The following GFPT2 variants were observed in gnomAD, a reference collection of about 807,000 sequenced individuals.
The protein encoded by GFPT2 is glutamine--fructose-6-phosphate transaminase 2.
Under a neutral mutation model 85.6 loss-of-function variants are expected in GFPT2, and 62 were observed. The observed-to-expected ratio is 0.72, with a 90% CI of 0.59 to 0.90. The LOEUF (loss-of-function observed/expected upper bound fraction) is 0.90. GFPT2 is among the 40% of genes least tolerant of loss of function. The pLI is 0.00. For synonymous variants in GFPT2, 368 were observed against 344.5 expected (o/e 1.07, Z -0.75); for missense variants, 788 against 893.4 (o/e 0.88, Z 1.50).
Position 180,313,983 on chromosome 5 carries a change from C to T in GFPT2, c.1274-19G>A. Reference sequence around the variant, plus strand: ...GTCTCGCCTGCCGCCCAGGGGCCCTCTCAGTGCCGCGCTCCGCCAGCCTCG... The same window carrying T: ...GTCTCGCCTGCCGCCCAGGGGCCCTTTCAGTGCCGCGCTCCGCCAGCCTCG... On this transcript the variant is annotated intron_variant, in intron 13 of 18. Transcript: ENST00000253778. The T allele has an allele frequency of 6.3e-7, 1 of 1,580,208 alleles. No individual in the cohort carries two copies.
At position 180,318,958 on chromosome 5, in the gene GFPT2, T is replaced by C; in HGVS notation, c.795-2A>G. On this transcript the variant is annotated splice_acceptor_variant, in intron 9 of 18. Transcript: ENST00000253778. LOFTEE classifies it high-confidence loss of function. This position sits in a 1 kb window ranked among gnomAD's most constrained non-coding sequence, Gnocchi z 4.2. ...CGGTTGGTGTGCTCTATGATAGCGC[T>C]GGGGCAAGGGAAACAGGCATCATCA... 1 of 1,611,786 alleles carries C rather than the reference T, an allele frequency of 6.2e-7. No individual in the cohort carries two copies. The highest frequency in any genetic ancestry group is 8.5e-7 in the Non-Finnish European group (1 of 1,179,850).
At chr5:180,341,676 G>A (rs1163443539) in intron 1 of GFPT2, among the ~76,000 whole-genome samples, 1 of 152,002 alleles carries the variant, frequency 6.6e-6, no homozygotes, top group African/African-American at 2.4e-5. Context: ...TCAGCCAAGG[G>A]CAATTTTCTC....
At chr5:180,315,487 TTTTTC>T (rs1277780088) in intron 13 of GFPT2, among the ~76,000 whole-genome samples, 1 of 151,768 alleles carries the variant, frequency 6.6e-6, no homozygotes. Context: ...CGGTTATATG[TTTTTC>T]TTTTGTCATT....
intron 1 of GFPT2, among the ~76,000 whole-genome samples, chr5:180,339,378 CAAAAAA>C (rs34123923): frequency 3.1e-5 from 2 of 65,036 alleles, no homozygotes; most frequent in African/African-American, 6.3e-5. Flanking sequence ...GACTCTGTCT[CAAAAAA>C]AAAAAAAAAA....
intron 1 of GFPT2, among the ~76,000 whole-genome samples, chr5:180,346,813 G>C (rs1395267481): frequency 6.6e-6 from 1 of 152,166 alleles, no homozygotes; most frequent in Non-Finnish European, 1.5e-5. Context: ...TTGATCTACT[G>C]CTCTTTCCTA....
intron 13 of GFPT2, among the ~76,000 whole-genome samples, chr5:180,314,692 T>G (rs1763967534): frequency 6.6e-6 from 1 of 152,144 alleles, no homozygotes; most frequent in South Asian, 2.1e-4. Context: ...GTGGCCCAAT[T>G]CTCCTCTGCT....
chr5:180,301,892 G>A (rs1381359274), intron 18 of GFPT2, among the ~76,000 whole-genome samples: 2 of 151,692 alleles, frequency 1.3e-5, no homozygotes, highest in East Asian at 3.9e-4. Context: ...GTAACTTGGT[G>A]TGTACTGTTA....
chr5:180,305,411 T>C (rs1461233414), intron 16 of GFPT2, among the ~76,000 whole-genome samples: 2 of 151,974 alleles, frequency 1.3e-5, no homozygotes, highest in Non-Finnish European at 2.9e-5. Flanking sequence ...CAAACTGGGG[T>C]GTTATTTGAA....
chr5:180,321,768 TTTTG>T (rs2127651634), intron 9 of GFPT2, among the ~76,000 whole-genome samples: 1 of 110,944 alleles, frequency 9.0e-6, no homozygotes, highest in South Asian at 2.8e-4. Flanking sequence ...GAGGGTTTTG[TTTTG>T]TTTTGTTTTG....
chr5:180,329,748 C>T (rs1462136234), intron 6 of GFPT2, among the ~76,000 whole-genome samples: 1 of 152,236 alleles, frequency 6.6e-6, no homozygotes, highest in Non-Finnish European at 1.5e-5. Context: ...CAGGCTGCCA[C>T]AGCCCTGGGG....
intron 1 of GFPT2, among the ~76,000 whole-genome samples, chr5:180,349,492 A>G (rs938724661): frequency 1.3e-5 from 2 of 152,176 alleles, no homozygotes; most frequent in African/African-American, 2.4e-5. Flanking sequence ...TTATAAAAAG[A>G]AGGTTTTTCT....
chr5:180,330,697 C>G lies in GFPT2; in HGVS notation c.534+3G>C. 1 of 1,610,734 alleles carries G rather than the reference C, an allele frequency of 6.2e-7. No individual in the cohort carries two copies. The highest frequency in any genetic ancestry group is 8.5e-7 in the Non-Finnish European group (1 of 1,177,252). ...AGTTAGACAGATGGGATTTGTAACTCACCAACTGCTGAATGACTCTCTCGA... is the reference window on the plus strand; with the variant it reads ...AGTTAGACAGATGGGATTTGTAACTGACCAACTGCTGAATGACTCTCTCGA... On this transcript the variant is annotated splice_donor_region_variant and intron_variant, in intron 6 of 18. Transcript: ENST00000253778. The surrounding 1 kb of genome is among the most constrained non-coding windows in gnomAD (Gnocchi z 4.4).
In GFPT2 at chr5:180,328,382, G is replaced by C. The variant is rs1338130615; in HGVS notation, c.535-44C>G. 6.7e-7 allele frequency: 1 copy of C among 1,491,856 alleles called. No individual in the cohort carries two copies. The highest frequency in any genetic ancestry group is 9.3e-7 in the Non-Finnish European group (1 of 1,069,676). The allele number at this position is 1,491,856 out of a possible 1,614,324, so 92.4% of individuals were successfully genotyped here. The stretch of plus-strand genomic sequence containing the variant: ...TGAGGGTCAACGCGTTCCAGCAGCC[G>C]CTGCTGCAGCCTGGCCACAGCCCAG... On this transcript the variant is annotated intron_variant, in intron 6 of 18. Transcript: ENST00000253778. The surrounding 1 kb of genome is among the most constrained non-coding windows in gnomAD (Gnocchi z 5.4).
chr5:180,308,671 T>G (rs1298563758), intron 15 of GFPT2, among the ~76,000 whole-genome samples: 2 of 152,228 alleles, frequency 1.3e-5, no homozygotes, highest in Non-Finnish European at 2.9e-5. Context: ...TGAAATCCTA[T>G]CAATAAACTT....
In GFPT2 at chr5:180,323,178, C is replaced by T. The variant is rs1373538690; in HGVS notation, c.794+1010G>A. ...TCTAATGGTACTATGCCAAAATCTA[C>T]AATTCTCCGTGTTTTAGAATCACTG... On this transcript the variant is annotated intron_variant, in intron 9 of 18. Coordinates refer to ENST00000253778, the MANE Select transcript of GFPT2 (RefSeq NM_005110.4). The surrounding 1 kb of genome is among the most constrained non-coding windows in gnomAD (Gnocchi z 4.0). Among the ~76,000 whole-genome samples the T allele has an allele frequency of 6.6e-6, 1 of 152,146 alleles. No homozygotes were observed. The highest frequency in any genetic ancestry group is 1.5e-5 in the Non-Finnish European group (1 of 68,020).
chr5:180,320,806 C>G (rs1032748625), intron 9 of GFPT2, among the ~76,000 whole-genome samples: 49 of 152,256 alleles, frequency 3.2e-4, no homozygotes, highest in Middle Eastern at 3.4e-3. Flanking sequence ...CACACCCACA[C>G]GTGACTGCCT....
At chr5:180,321,531 C>G (rs986983917) in intron 9 of GFPT2, among the ~76,000 whole-genome samples, 3 of 152,196 alleles carry the variant, frequency 2.0e-5, no homozygotes, top group Non-Finnish European at 4.4e-5. Flanking sequence ...AAGAGCTGTG[C>G]CTTCCCCAGA....
Position 180,316,563 on chromosome 5 carries a change from C to T in GFPT2, c.1153-102G>A, listed in dbSNP as rs1232476980. The T allele has an allele frequency of 3.0e-6, 4 of 1,341,896 alleles. No homozygotes were observed. In the Admixed American group the frequency reaches 5.3e-5, roughly 18 times the overall value. 83.1% of individuals were successfully genotyped at this position (1,341,896 alleles called of 1,614,324 possible). On this transcript the variant is annotated intron_variant, in intron 12 of 18. Coordinates refer to ENST00000253778, the MANE Select transcript of GFPT2 (RefSeq NM_005110.4). ...GGACAGTTTGTGACACGGAACCTCA[C>T]TGTCCAGGTGGCGAGGGGACTTCGG...
chr5:180,353,326 G>C lies in GFPT2; in HGVS notation c.-109C>G, dbSNP rs1022640774. On this transcript the variant is annotated 5_prime_UTR_variant, in exon 1 of 19. Coordinates refer to ENST00000253778, the MANE Select transcript of GFPT2 (RefSeq NM_005110.4). ...GCTCCGTGGGCTCCGTGGGCTCCGC[G>C]GGCTCCAGCTCCCGTCCGCTCGGCC... 1 of 829,896 alleles carries C rather than the reference G, an allele frequency of 1.2e-6. No individual in the cohort carries two copies. Among genetic ancestry groups the C allele is most frequent in the African/African-American group, 2.5e-5 (1 of 39,306 alleles). The allele number at this position is 829,896 out of a possible 1,614,324, so 51.4% of individuals were successfully genotyped here.
Sources: allele counts gnomAD v4.1 joint callset (sites outside exome capture counted in the v4.1 genomes callset), GRCh38; gene constraint gnomAD v4.1.1; non-coding constraint Gnocchi (gnomAD v3.1); transcripts MANE v1.5; gene names NCBI Gene and HGNC (gene_info 2026-07-23, HGNC 2026-07-21).